Variants in RNLS observed in about 807,000 individuals in gnomAD.
RNLS encodes renalase, FAD dependent amine oxidase, also known as renalase.
Under a neutral mutation model 39.8 loss-of-function variants are expected in RNLS, and 39 were observed. That is an observed-to-expected ratio of 0.98 (90% CI 0.76 to 1.28). RNLS has a LOEUF of 1.28. RNLS is among the 50% of genes most tolerant of loss of function. RNLS has a pLI of 0.00. For missense variants in RNLS, 410 were observed against 413.3 expected, an observed-to-expected ratio of 0.99 and a Z score of 0.07; for synonymous variants, 147 against 150.7, an observed-to-expected ratio of 0.98 and a Z score of 0.18.
chr10:88,237,510 G>C, the RNLS span, among the ~76,000 whole-genome samples: 2 of 151,886 alleles, frequency 1.3e-5, no homozygotes, highest in Non-Finnish European at 2.9e-5. Flanking sequence ...TAATATTTGC[G>C]GTGATAATAT....
At chr10:88,581,417 A>G (rs1850546653) in intron 3 of RNLS, 150 bp downstream of exon 3, 2 of 516,452 alleles carry the variant, frequency 3.9e-6, no homozygotes, top group African/African-American at 4.0e-5. Context: ...AAGCTTATCA[A>G]TGATTACTTT....
At chr10:88,401,787 G>C (rs961900829) in intron 4 of RNLS, among the ~76,000 whole-genome samples, 2 of 152,014 alleles carry the variant, frequency 1.3e-5, no homozygotes, top group African/African-American at 4.8e-5. Flanking sequence ...GCAAAATGAG[G>C]TGACAGAATG....
intron 4 of RNLS, among the ~76,000 whole-genome samples, chr10:88,542,013 G>A (rs1269206195): frequency 1.3e-5 from 2 of 152,098 alleles, no homozygotes; most frequent in Non-Finnish European, 2.9e-5. Flanking sequence ...GATAAAAGAC[G>A]CCTTTGCATT....
intron 6 of RNLS, 24 bp from the exon 7 acceptor site, chr10:88,285,530 C>G (rs550506273): frequency 1.2e-6 from 2 of 1,602,784 alleles, no homozygotes; most frequent in South Asian, 1.1e-5. Flanking sequence ...AAGAGGATTG[C>G]AATTGACATT....
chr10:88,222,948 C>G, the RNLS span, among the ~76,000 whole-genome samples: 1 of 152,224 alleles, frequency 6.6e-6, no homozygotes, highest in African/African-American at 2.4e-5. Flanking sequence ...GAAGCATAGT[C>G]TCAAATCATG....
intron 4 of RNLS, among the ~76,000 whole-genome samples, chr10:88,399,891 T>C (rs915125811): frequency 6.6e-6 from 1 of 152,024 alleles, no homozygotes; most frequent in Non-Finnish European, 1.5e-5. Flanking sequence ...AACCAAGTTG[T>C]TGGTAGGGTT....
rs367907972 is a variant in RNLS, at chr10:88,499,012, T to C, written c.526+73891A>G. Among the ~76,000 whole-genome samples, 5 of 152,292 alleles carry C rather than the reference T, an allele frequency of 3.3e-5. No homozygotes were observed. In the East Asian group the frequency reaches 9.6e-4, roughly 29 times the overall value. On this transcript the variant is annotated intron_variant, in intron 4 of 6. Transcript: ENST00000331772. Reference sequence around the variant, plus strand: ...TGAGAGAAGTGGGAAAATCTGATTATAGATAAAATATGAGATGAAATTATG... The same window carrying C: ...TGAGAGAAGTGGGAAAATCTGATTACAGATAAAATATGAGATGAAATTATG...
chr10:88,573,127 T>G, intron 3 of RNLS, 66 bp from the exon 4 acceptor site: 1 of 1,498,670 alleles, frequency 6.7e-7, no homozygotes, highest in Non-Finnish European at 9.1e-7. Context: ...GGGATGTGAG[T>G]AGTCACAAAC....
At chr10:88,539,533 C>T (rs1847938757) in intron 4 of RNLS, among the ~76,000 whole-genome samples, 1 of 152,004 alleles carries the variant, frequency 6.6e-6, no homozygotes, top group Non-Finnish European at 1.5e-5. Flanking sequence ...TCTTGGTAGC[C>T]CCATAGTCAC....
At chr10:88,350,215 CTTT>C (rs558628829) in intron 5 of RNLS, among the ~76,000 whole-genome samples, 2 of 141,844 alleles carry the variant, frequency 1.4e-5, no homozygotes, top group Non-Finnish European at 3.1e-5. Context: ...TCATTCAATT[CTTT>C]TTTTTTTTTA....
downstream of RNLS, among the ~76,000 whole-genome samples, chr10:88,269,745 T>C (rs1842598971): frequency 6.6e-6 from 1 of 152,222 alleles, no homozygotes; most frequent in Non-Finnish European, 1.5e-5. Flanking sequence ...TTCTTTAACT[T>C]GTAGTGCTGC....
intron 4 of RNLS, among the ~76,000 whole-genome samples, chr10:88,556,355 T>C (rs1848876614): frequency 6.6e-6 from 1 of 152,188 alleles, no homozygotes; most frequent in African/African-American, 2.4e-5. Flanking sequence ...ACCACCAGTA[T>C]TGCTGTAGTC....
At chr10:88,409,519 T>C (rs1853523856) in intron 4 of RNLS, among the ~76,000 whole-genome samples, 1 of 152,164 alleles carries the variant, frequency 6.6e-6, no homozygotes, top group African/African-American at 2.4e-5. Flanking sequence ...TTACATCTTA[T>C]CTCCATTTTC....
At position 88,356,386 on chromosome 10, in the gene RNLS, C is replaced by A. The variant is rs931882551; in HGVS notation, c.700+6166G>T. 1.5e-4 allele frequency among the ~76,000 whole-genome samples: 23 copies of A among 152,232 alleles called. 1 individual carries two copies. Among genetic ancestry groups the A allele is most frequent in the African/African-American group, 5.3e-4 (22 of 41,534 alleles). On this transcript the variant is annotated intron_variant, in intron 5 of 6. Transcript: ENST00000331772. Reference sequence around the variant, plus strand: ...CCCCCCGATTCAATTCTTAAGTGGACAATTTTGTGTTATAAAGTTCACGGC... The same window carrying A: ...CCCCCCGATTCAATTCTTAAGTGGAAAATTTTGTGTTATAAAGTTCACGGC...
chr10:88,442,070 T>C (rs557399835), intron 4 of RNLS, among the ~76,000 whole-genome samples: 4 of 152,318 alleles, frequency 2.6e-5, no homozygotes, highest in African/African-American at 9.6e-5. Flanking sequence ...TCTTTGGAAT[T>C]TGGAAAGATT....
At chr10:88,550,569 A>G (rs1013218536) in intron 4 of RNLS, among the ~76,000 whole-genome samples, 5 of 152,202 alleles carry the variant, frequency 3.3e-5, no homozygotes, top group Admixed American at 1.3e-4. Context: ...TTAAAATCCA[A>G]TTGGATCCTG....
chr10:88,473,534 A>G (rs1221612729), intron 4 of RNLS, among the ~76,000 whole-genome samples: 1 of 152,200 alleles, frequency 6.6e-6, no homozygotes, highest in Non-Finnish European at 1.5e-5. Context: ...CAGGTATGCA[A>G]TCTATGATTA....
intron 4 of RNLS, among the ~76,000 whole-genome samples, chr10:88,366,476 A>G (rs2133394428): frequency 1.3e-5 from 2 of 151,434 alleles, no homozygotes; most frequent in Middle Eastern, 6.8e-3. Context: ...GTGTGTGAAT[A>G]TGTGTATATA....
chr10:88,183,493 T>C, the RNLS span, among the ~76,000 whole-genome samples: 3 of 152,146 alleles, frequency 2.0e-5, no homozygotes, highest in East Asian at 5.8e-4. Flanking sequence ...TTAGTTGACA[T>C]ATTTGAAATT....
Sources: allele counts gnomAD v4.1 joint callset (sites outside exome capture counted in the v4.1 genomes callset), GRCh38; gene constraint gnomAD v4.1.1; transcripts MANE v1.5; gene names NCBI Gene and HGNC (gene_info 2026-07-23, HGNC 2026-07-21).